Variants in CEP164 observed in about 807,000 individuals in gnomAD.
CEP164 encodes the protein centrosomal protein of 164 kDa.
Under a neutral mutation model 182.7 loss-of-function variants are expected in CEP164, and 162 were observed. The ratio of observed to expected loss-of-function variants is 0.89; its 90% confidence interval spans 0.78 to 1.01. CEP164 has a LOEUF of 1.01. Among genes scored for constraint, CEP164 ranks in the 50% least tolerant of loss-of-function variants. The pLI is 0.00. For missense variants in CEP164, 1,735 were observed against 1,790.4 expected (o/e 0.97, Z 0.56); for synonymous variants, 661 against 690.0 (o/e 0.96, Z 0.66).
intron 4 of CEP164, among the ~76,000 whole-genome samples, chr11:117,345,950 G>T (rs2038832142): frequency 6.6e-6 from 1 of 152,194 alleles, no homozygotes; most frequent in South Asian, 2.1e-4. Flanking sequence ...GCCTCCCAAA[G>T]TTCTGGCATT....
chr11:117,336,622 G>T, intron 2 of CEP164: 2 of 1,231,884 alleles, frequency 1.6e-6, no homozygotes, highest in South Asian at 1.2e-5. Context: ...CTGGCATTGG[G>T]ATTCCACATG....
At chr11:117,407,202 G>T (rs991489493) in intron 27 of CEP164, among the ~76,000 whole-genome samples, 2 of 152,162 alleles carry the variant, frequency 1.3e-5, no homozygotes, top group Non-Finnish European at 2.9e-5. Context: ...AGAGCAAGGG[G>T]CTGGAACAGA....
intron 11 of CEP164, 141 bp downstream of exon 11, chr11:117,375,932 T>C: frequency 1.4e-6 from 1 of 690,496 alleles, no homozygotes; most frequent in South Asian, 1.8e-5. Flanking sequence ...GGCATGGTCC[T>C]GACTGCCTTT....
rs2041911004 is a variant in CEP164 at position 117,368,738 on chromosome 11, G to T, written c.766-2342G>T. Among the ~76,000 whole-genome samples, 3 of 152,186 alleles carry T rather than the reference G, an allele frequency of 2.0e-5. No homozygotes were observed. In the South Asian group the frequency reaches 6.2e-4, roughly 32 times the overall value. ...GAGCTTCTGCTGAGAATTGGCCTTT[G>T]GTTGTATAGAGATGAGAAGGCCATT... On this transcript the variant is annotated intron_variant, in intron 8 of 32. Coordinates refer to ENST00000278935, the MANE Select transcript of CEP164 (RefSeq NM_014956.5).
At position 117,411,727 on chromosome 11, in the gene CEP164, C is replaced by G; in HGVS notation, c.4164-68C>G. 1 of 1,595,826 alleles carries G rather than the reference C, an allele frequency of 6.3e-7. No homozygotes were observed. Among genetic ancestry groups the G allele is most frequent in the Non-Finnish European group, 8.6e-7 (1 of 1,168,860 alleles). Reference sequence around the variant, plus strand: ...GGGAGGAGGTGACAGATGTGATGGCCTCTGTGCATCCTCTGTCACTTCCGC... The same window carrying G: ...GGGAGGAGGTGACAGATGTGATGGCGTCTGTGCATCCTCTGTCACTTCCGC... On this transcript the variant is annotated intron_variant, in intron 31 of 32. Transcript: ENST00000278935. The surrounding 1 kb of genome is among the most constrained non-coding windows in gnomAD (Gnocchi z 4.4).
rs149444026 is a variant in CEP164 at position 117,393,742 on chromosome 11, T to C, written c.2617-608T>C. Among the ~76,000 whole-genome samples the C allele has an allele frequency of 3.8e-3, 583 of 152,338 alleles. 8 individuals are homozygous for C. The highest frequency in any genetic ancestry group is 0.014 in the African/African-American group (569 of 41,588). ...AAGAAATAGACTGGCAAGAGCCAAGTAATACTGATATTCTCCCCATTTTAA... is the reference window on the plus strand; with the variant it reads ...AAGAAATAGACTGGCAAGAGCCAAGCAATACTGATATTCTCCCCATTTTAA... On this transcript the variant is annotated intron_variant, in intron 20 of 32. Coordinates refer to ENST00000278935, the MANE Select transcript of CEP164 (RefSeq NM_014956.5).
intron 1 of CEP164, among the ~76,000 whole-genome samples, chr11:117,332,856 A>G (rs1006112469): frequency 2.0e-5 from 3 of 152,198 alleles, no homozygotes; most frequent in African/African-American, 4.8e-5. Context: ...CATCTCATCT[A>G]TTGGTAACTG....
chr11:117,346,509 GTCC>G (rs1475567606), intron 4 of CEP164, among the ~76,000 whole-genome samples: 2 of 151,526 alleles, frequency 1.3e-5, no homozygotes, highest in Admixed American at 6.6e-5. Context: ...TGCCCGCCTT[GTCC>G]TCCCAAAGTG....
chr11:117,382,806 C>T lies in CEP164; in HGVS notation c.1588C>T (p.Pro530Ser). 1 of 1,614,084 alleles carries T rather than the reference C, an allele frequency of 6.2e-7. No homozygotes were observed. The highest frequency in any genetic ancestry group is 8.5e-7 in the Non-Finnish European group (1 of 1,179,992). Residue 530 changes from proline (P) to serine (S), a missense_variant, in exon 14 of 33, where the codon CCA becomes TCA. Physicochemically the swap from Pro to Ser is moderately conservative, Grantham distance 74 (BLOSUM62 -1). Coordinates refer to ENST00000278935, the MANE Select transcript of CEP164 (RefSeq NM_014956.5). ...LQLSLQREQA[P>S]SPPAACEKGK... is the part of the protein sequence containing the mutation. ...CTTACTGCTATCAAGGGAGCAGGCCCCAAGCCCACCTGCTGCCTGTGAGAA... is the reference window on the plus strand; with the variant it reads ...CTTACTGCTATCAAGGGAGCAGGCCTCAAGCCCACCTGCTGCCTGTGAGAA...
chr11:117,393,282 G>T (rs563761807), intron 20 of CEP164, among the ~76,000 whole-genome samples, 156 bp downstream of exon 20: 1 of 152,328 alleles, frequency 6.6e-6, no homozygotes, highest in East Asian at 1.9e-4. Flanking sequence ...ATAAACTGTG[G>T]TCAGGGATTG....
chr11:117,368,480 T>C (rs1285896852), intron 8 of CEP164, among the ~76,000 whole-genome samples: 1 of 152,208 alleles, frequency 6.6e-6, no homozygotes, highest in Non-Finnish European at 1.5e-5. Flanking sequence ...TATGGTCTGA[T>C]ACCTCCTTTG....
rs1029641583 is a variant in CEP164, at chr11:117,412,845, A to G, written c.*677A>G. 3.9e-5 allele frequency: 6 copies of G among 152,124 alleles called. No individual in the cohort carries two copies. The highest frequency in any genetic ancestry group is 3.3e-4 in the Admixed American group (5 of 15,240). 9.4% of individuals were successfully genotyped at this position (152,124 alleles called of 1,614,324 possible). Reference sequence around the variant, plus strand: ...TTTCCTCAGGGGCTGTCCTCAGAACACCCCTCCTGCTCCCTGGGGCTCCTC... The same window carrying G: ...TTTCCTCAGGGGCTGTCCTCAGAACGCCCCTCCTGCTCCCTGGGGCTCCTC... On this transcript the variant is annotated 3_prime_UTR_variant, in exon 33 of 33. Coordinates refer to ENST00000278935, the MANE Select transcript of CEP164 (RefSeq NM_014956.5).
intron 4 of CEP164, among the ~76,000 whole-genome samples, chr11:117,347,670 ATT>A (rs898475968): frequency 4.6e-5 from 7 of 151,026 alleles, no homozygotes; most frequent in African/African-American, 1.7e-4. Flanking sequence ...AGATCGTGCC[ATT>A]GCACTCCAGC....
At chr11:117,338,720 C>T in intron 3 of CEP164, 52 bp downstream of exon 3, 1 of 1,348,966 alleles carries the variant, frequency 7.4e-7, no homozygotes, top group Non-Finnish European at 1.1e-6. Flanking sequence ...TTTTTGAGGA[C>T]AGGGATTGTC....
Position 117,372,501 on chromosome 11 carries a change from C to T in CEP164, c.1152+1035C>T, listed in dbSNP as rs111628105. ...GGTGCGATCAGCTCACCACAACCTC[C>T]GCCTCCCGGGTTCAAGTGATTCTCC... On this transcript the variant is annotated intron_variant, in intron 9 of 32. Transcript: ENST00000278935. 6.0e-3 allele frequency among the ~76,000 whole-genome samples: 910 copies of T among 151,822 alleles called. 26 individuals carry two copies. The East Asian group carries it at 0.086, about 14-fold the overall frequency.
rs371276509 is a variant in CEP164, at chr11:117,368,640, C to T, written c.766-2440C>T. Among the ~76,000 whole-genome samples, 217 of 152,210 alleles carry T rather than the reference C, an allele frequency of 1.4e-3. 8 individuals carry two copies. In the South Asian group the frequency reaches 0.043, roughly 30 times the overall value. On this transcript the variant is annotated intron_variant, in intron 8 of 32. Coordinates refer to ENST00000278935, the MANE Select transcript of CEP164 (RefSeq NM_014956.5). Reference sequence around the variant, plus strand: ...TGCCGAGTGAGGGGGTGTGGTTGGCCCGGCACCCTTTGCCCACCCCAGGCA... The same window carrying T: ...TGCCGAGTGAGGGGGTGTGGTTGGCTCGGCACCCTTTGCCCACCCCAGGCA...
Position 117,395,540 on chromosome 11 carries a change from C to T in CEP164, c.2914-7C>T, listed in dbSNP as rs1373523189. The T allele has an allele frequency of 5.0e-6, 8 of 1,604,846 alleles. No individual in the cohort carries two copies. The East Asian group carries it at 6.7e-5, about 13-fold the overall frequency. On this transcript the variant is annotated splice_region_variant and splice_polypyrimidine_tract_variant and intron_variant, in intron 23 of 32. Transcript: ENST00000278935. The stretch of plus-strand genomic sequence containing the variant: ...CTGGGTGCTTCTATCTTTCCTTTTG[C>T]CCCTAGGAAGCCACAGCCACCCATC...
intron 14 of CEP164, chr11:117,384,621 G>C (rs562835175): frequency 2.0e-5 from 3 of 152,184 alleles, no homozygotes; most frequent in African/African-American, 7.2e-5. Context: ...TGTTTCTCCC[G>C]CCATCCCAGC....
At chr11:117,327,459 C>CTT (rs760601571), upstream of CEP164, among the ~76,000 whole-genome samples, 606 of 122,584 alleles carry the variant, frequency 4.9e-3, 6 homozygotes, top group African/African-American at 0.016. Context: ...TCGGGGTCCT[C>CTT]TTTTTTTTTT....
Sources: gnomAD v4.1 joint callset for allele counts (sites outside exome capture counted in the v4.1 genomes callset) on GRCh38, gnomAD v4.1.1 for gene constraint, Gnocchi (gnomAD v3.1) non-coding constraint, MANE v1.5 for transcripts, NCBI Gene and HGNC (gene_info 2026-07-23, HGNC 2026-07-21) for gene names.